The following NARF variants were observed in gnomAD, a reference collection of about 807,000 sequenced individuals.
NARF encodes iron-only hydrogenase-like protein 2.
NARF carries 41 observed loss-of-function variants against 48.0 expected under a neutral mutation model. The ratio of observed to expected loss-of-function variants is 0.85; its 90% CI spans 0.66 to 1.11. The LOEUF (loss-of-function observed/expected upper bound fraction) is 1.11. Among genes scored for constraint, NARF ranks in the 50% least tolerant of loss-of-function variants. The probability of loss-of-function intolerance (pLI) is 0.00; values close to 1 mark genes in which losing one functional copy is unlikely to be tolerated. For synonymous variants in NARF, 215 were observed against 225.5 expected, an observed-to-expected ratio of 0.95 and a Z score of 0.42; for missense variants, 613 against 590.2, an observed-to-expected ratio of 1.04 and a Z score of -0.40.
chr17:82,478,658 C>T (rs779829107), intron 5 of NARF, 142 bp from the exon 6 acceptor site: 89 of 864,938 alleles, frequency 1.0e-4, no homozygotes, highest in Non-Finnish European at 1.5e-4. Flanking sequence ...GGGTCCAGCA[C>T]GAGCTCCTGG....
intron 3 of NARF, among the ~76,000 whole-genome samples, chr17:82,467,305 C>G (rs2043593558): frequency 6.6e-6 from 1 of 152,144 alleles, no homozygotes. Flanking sequence ...CCCCGGCCTC[C>G]CAAAGTGCTG....
chr17:82,475,376 G>A (rs1031259283), intron 5 of NARF, among the ~76,000 whole-genome samples: 2 of 152,150 alleles, frequency 1.3e-5, no homozygotes, highest in African/African-American at 4.8e-5. Context: ...CGAGGTGGGC[G>A]GATCACAAGG....
intron 5 of NARF, among the ~76,000 whole-genome samples, chr17:82,473,238 G>T (rs1435848314): frequency 1.3e-5 from 2 of 151,118 alleles, no homozygotes; most frequent in African/African-American, 2.4e-5. Flanking sequence ...ACTGTGCCCA[G>T]TCTAGGCAGA....
chr17:82,473,474 G>A (rs1035316916), intron 5 of NARF, among the ~76,000 whole-genome samples: 5 of 150,932 alleles, frequency 3.3e-5, no homozygotes, highest in African/African-American at 1.2e-4. Context: ...TCACCCTCCC[G>A]AGTAGCTGGG....
intron 6 of NARF, among the ~76,000 whole-genome samples, chr17:82,479,424 T>G (rs2043909439): frequency 1.3e-5 from 2 of 152,306 alleles, no homozygotes; most frequent in East Asian, 1.9e-4. Context: ...GATGCTGTCC[T>G]CCTCTTGATG....
chr17:82,484,617 C>A, intron 8 of NARF, 196 bp from the exon 9 acceptor site: 1 of 545,452 alleles, frequency 1.8e-6, no homozygotes. Context: ...CCGCCTTGCC[C>A]GAGCATCAGG....
At chr17:82,474,619 C>T (rs184601446) in intron 5 of NARF, among the ~76,000 whole-genome samples, 22 of 152,246 alleles carry the variant, frequency 1.4e-4, no homozygotes, top group African/African-American at 4.8e-4. Flanking sequence ...TTATGCTCCC[C>T]CTACAATGGT....
intron 3 of NARF, among the ~76,000 whole-genome samples, chr17:82,465,875 A>ATTGCAGATAGAGACACATGTCCTCTGTG (rs2043554132): frequency 1.3e-5 from 2 of 152,188 alleles, no homozygotes; most frequent in Admixed American, 1.3e-4. Flanking sequence ...CTAGATCACA[A>ATTGCAGATAGAGACACATGTCCTCTGTG]TTGCAGATAG....
chr17:82,489,656 G>A lies in NARF; in HGVS notation c.*1499G>A, dbSNP rs1040887639. 6.6e-6 allele frequency: 1 copy of A among 152,298 alleles called. No homozygotes were observed. 9.4% of individuals were successfully genotyped at this position (152,298 alleles called of 1,614,324 possible). ...CGCCATGAAGCCCTCTGTGCTCAGG[G>A]TGATGGAGCCCCCTCCATTCTGGCA... On this transcript the variant is annotated 3_prime_UTR_variant, in exon 11 of 11. Coordinates refer to ENST00000309794, the MANE Select transcript of NARF (RefSeq NM_012336.4).
chr17:82,485,094 CCTTTT>C (rs1418229639), intron 9 of NARF, 144 bp downstream of exon 9: 5 of 1,129,348 alleles, frequency 4.4e-6, no homozygotes, highest in Non-Finnish European at 6.0e-6. Flanking sequence ...TTTATTCAGA[CCTTTT>C]ATTTTGCTGA....
At position 82,490,292 on chromosome 17, in the gene NARF, A is replaced by T. The variant is rs1322410688; in HGVS notation, c.*2135A>T. On this transcript the variant is annotated 3_prime_UTR_variant, in exon 11 of 11. Coordinates refer to ENST00000309794, the MANE Select transcript of NARF (RefSeq NM_012336.4). ...AGGTGTCCTGAAGCACTGGGATTGG[A>T]TTAACTCGAGCGATGGCCTTCCCAG... is the stretch of plus-strand genomic sequence containing the variant. The T allele has an allele frequency of 6.6e-6, 1 of 152,306 alleles. No individual in the cohort carries two copies. The highest frequency in any genetic ancestry group is 1.5e-5 in the Non-Finnish European group (1 of 68,106). The allele number at this position is 152,306 out of a possible 1,614,324, so 9.4% of individuals were successfully genotyped here.
chr17:82,481,331 G>C, intron 7 of NARF, 120 bp downstream of exon 7: 1 of 1,465,312 alleles, frequency 6.8e-7, no homozygotes. Context: ...GTGGTCGCTT[G>C]TCTGAAGTTA....
chr17:82,468,572 A>G (rs770222445), intron 3 of NARF, 192 bp from the exon 4 acceptor site: 11 of 563,190 alleles, frequency 2.0e-5, no homozygotes, highest in Middle Eastern at 4.3e-4. Flanking sequence ...AATATTTACC[A>G]GAAGCCCAAA....
intron 8 of NARF, 200 bp from the exon 9 acceptor site, chr17:82,484,613 T>C (rs2044052296): frequency 1.9e-6 from 1 of 522,094 alleles, no homozygotes; most frequent in Non-Finnish European, 3.2e-6. Context: ...TCCTCCGCCT[T>C]GCCCGAGCAT....
Position 82,482,214 on chromosome 17 carries a change from T to A in NARF, c.769+1003T>A, listed in dbSNP as rs2043981060. The A allele has an allele frequency of 7.1e-6, 3 of 423,572 alleles. No homozygotes were observed. In the Admixed American group the frequency reaches 8.3e-5, roughly 12 times the overall value. 26.2% of individuals were successfully genotyped at this position (423,572 alleles called of 1,614,324 possible). ...GAGGTCAGCTCTCAGGGACAATCTT[T>A]AAGGGCGCCAATGTCCCTCACAGGC... On this transcript the variant is annotated intron_variant, in intron 7 of 10. Transcript: ENST00000309794.
chr17:82,478,773 C>G, intron 5 of NARF, 27 bp from the exon 6 acceptor site: 1 of 1,598,554 alleles, frequency 6.3e-7, no homozygotes, highest in Non-Finnish European at 8.6e-7. Flanking sequence ...CAGTAAGGAG[C>G]TGACCGTGGA....
At chr17:82,478,352 G>T (rs1254086543) in intron 5 of NARF, among the ~76,000 whole-genome samples, 3 of 152,226 alleles carry the variant, frequency 2.0e-5, no homozygotes, top group African/African-American at 7.2e-5. Context: ...CAGTTGTTGG[G>T]CTGTTAGTTT....
At chr17:82,469,390 C>T (rs1427005109) in intron 4 of NARF, among the ~76,000 whole-genome samples, 1 of 152,122 alleles carries the variant, frequency 6.6e-6, no homozygotes, top group African/African-American at 2.4e-5. Context: ...TAAAAGAACT[C>T]GGATGTCAAC....
At chr17:82,465,373 C>T (rs755967029) in intron 3 of NARF, among the ~76,000 whole-genome samples, 11 of 152,176 alleles carry the variant, frequency 7.2e-5, no homozygotes, top group Non-Finnish European at 1.3e-4. Flanking sequence ...TCCATGCTGT[C>T]ACCTCCACGG....
Sources: allele counts gnomAD v4.1 joint callset (sites outside exome capture counted in the v4.1 genomes callset), GRCh38; gene constraint gnomAD v4.1.1; transcripts MANE v1.5; gene names NCBI Gene and HGNC (gene_info 2026-07-23, HGNC 2026-07-21).